IRS4: variants seen among roughly 807,000 people sequenced by gnomAD.
IRS4 encodes the protein 160 kDa phosphotyrosine protein.
Under a neutral mutation model 48.6 loss-of-function variants are expected in IRS4, and 15 were observed. That is an observed-to-expected ratio of 0.31 (90% CI 0.21 to 0.48). IRS4 has a LOEUF of 0.48. Among genes scored for constraint, IRS4 ranks in the 20% least tolerant of loss-of-function variants. The probability of loss-of-function intolerance (pLI) is 0.99; values close to 1 mark genes in which losing one functional copy is unlikely to be tolerated. For missense variants in IRS4, 987 were observed against 1,023.4 expected (o/e 0.96, Z 0.49); for synonymous variants, 459 against 413.2 (o/e 1.11, Z -1.34).
rs769725218 is a variant in IRS4, at chrX:108,734,822, T to C, written c.1523A>G (p.Asn508Ser). 2.8e-5 allele frequency: 34 copies of C among 1,209,069 alleles called. No individual in the cohort carries two copies. The Middle Eastern group carries it at 6.9e-4, about 24-fold the overall frequency. ...GCTATGGCTACTGGAGCCTTGGCCA[T>C]TTGAGCCCTGGCCACCTCCTGAGCC... ...GRGSGGGQGSNGQGSSSHSSG... is the reference protein window; with the variant it reads ...GRGSGGGQGSSGQGSSSHSSG... Residue 508 changes from asparagine (N) to serine (S), a missense_variant, in exon 1 of 2, where the codon AAT becomes AGT. By Grantham distance (46) the Asn-to-Ser change is conservative (BLOSUM62 1). Around this residue, in one of 4 missense-constraint regions of IRS4, gnomAD observed 720 missense variants for 660.3 expected, o/e 1.09. Transcript: ENST00000372129.
chrX:108,735,421 C>G lies in IRS4; in HGVS notation c.924G>C (p.Trp308Cys), dbSNP rs1346528939. The change falls in exon 1 of 2, where the codon TGG (tryptophan) becomes TGC (cysteine). Residue 308 changes from tryptophan to cysteine, a missense_variant. This residue lies in a region of IRS4 where 74 missense variants were observed against 100.4 expected (regional missense o/e 0.74). Coordinates refer to ENST00000372129, the MANE Select transcript of IRS4 (RefSeq NM_001379150.1). ...CAACCACACAGTCATCGACCTGCAT[C>G]CAGAGCTCTCCCGGACCGATGACAG... ...RSTVIGPGEL[W>C]MQVDDCVVAQ... 1 of 1,211,252 alleles carries G rather than the reference C, an allele frequency of 8.3e-7. No homozygotes were observed.
chrX:108,732,038 T>C (rs184250372), intron 1 of IRS4, among the ~76,000 whole-genome samples: 168 of 112,574 alleles, frequency 1.5e-3, no homozygotes, highest in Non-Finnish European at 2.7e-3. Flanking sequence ...TTTAACTTTC[T>C]TGGTAAATCA....
intron 1 of IRS4, 171 bp downstream of exon 1, chrX:108,732,408 A>T: frequency 3.4e-6 from 3 of 870,322 alleles, no homozygotes; most frequent in Non-Finnish European, 4.7e-6. Flanking sequence ...ATAAAAACAA[A>T]TTTTTGCAAA....
Position 108,734,352 on chromosome X carries a change from T to C in IRS4, c.1993A>G (p.Lys665Glu). 1 of 1,211,303 alleles carries C rather than the reference T, an allele frequency of 8.3e-7. No individual in the cohort carries two copies. Among genetic ancestry groups the C allele is most frequent in the Non-Finnish European group, 1.1e-6 (1 of 895,429 alleles). The change falls in exon 1 of 2, where the codon AAA (lysine) becomes GAA (glutamate). Residue 665 changes from lysine (K) to glutamate (E), a missense_variant. Transcript: ENST00000372129. The stretch of plus-strand genomic sequence containing the variant: ...ACTTCTTTGGCTTCTTTGCATTCTT[T>C]CGTGGCTCCTCTGTCAACACAAAAA... ...LYFCVDRGAT[K>E]ECKEAKEVKD...
intron 1 of IRS4, among the ~76,000 whole-genome samples, chrX:108,725,173 T>C (rs1962093055): frequency 9.0e-6 from 1 of 111,403 alleles, no homozygotes; most frequent in African/African-American, 3.3e-5. Flanking sequence ...CCTCTTTATA[T>C]GAATCATAAA....
At chrX:108,729,041 C>T in intron 1 of IRS4, among the ~76,000 whole-genome samples, 1 of 111,562 alleles carries the variant, frequency 9.0e-6, no homozygotes, top group East Asian at 2.8e-4. Context: ...GGACAAATAC[C>T]TCATTAGTCC....
Position 108,734,229 on chromosome X carries a change from CT to C in IRS4, c.2115del (p.Val707TrpfsTer6). 2 of 1,211,500 alleles carry C rather than the reference CT, an allele frequency of 1.7e-6. No homozygotes were observed. Among genetic ancestry groups the C allele is most frequent in the Non-Finnish European group, 2.2e-6 (2 of 895,429 alleles). On this transcript the variant is annotated frameshift_variant, in exon 1 of 2. Coordinates refer to ENST00000372129, the MANE Select transcript of IRS4 (RefSeq NM_001379150.1). LOFTEE classifies it high-confidence loss of function. ...GAGCTTACAAGAGGGGTGGCCACCC[CT>C]GGCCTCATTGGCACGTATGGGTCAT... is the stretch of plus-strand genomic sequence containing the variant. ...DEDDPYVPMR[P>X]GVATPLVSSS...
rs1354883159 is a variant in IRS4 at position 108,720,891 on chromosome X, A to T, written c.*1628T>A. Reference sequence around the variant, plus strand: ...CATCCCTTTGGTTGGTAGGCAAGGAAAAATAGAAGTCAACTCGGTTCTTTG... The same window carrying T: ...CATCCCTTTGGTTGGTAGGCAAGGATAAATAGAAGTCAACTCGGTTCTTTG... On this transcript the variant is annotated 3_prime_UTR_variant, in exon 2 of 2. Transcript: ENST00000372129. 1 of 112,221 alleles carries T rather than the reference A, an allele frequency of 8.9e-6. No individual in the cohort carries two copies. The highest frequency in any genetic ancestry group is 2.8e-4 in the East Asian group (1 of 3,594). 9.2% of individuals were successfully genotyped at this position (112,221 alleles called of 1,213,427 possible).
rs746790280 is a variant in IRS4 at position 108,736,235 on chromosome X, G to A, written c.110C>T (p.Ser37Leu). The A allele has an allele frequency of 5.8e-6, 7 of 1,208,931 alleles. No individual in the cohort carries two copies. Among genetic ancestry groups the A allele is most frequent in the East Asian group, 5.9e-5 (2 of 33,700 alleles). ...CCCAATGAGTGCGGTCGGGGTTCCC[G>A]AGGAAAGAAGCGGGGTGGTCACCAC... ...AAVVTTPLLS[S>L]GTPTALIGTG... The change falls in exon 1 of 2, where the codon TCG (serine) becomes TTG (leucine). Residue 37 changes from serine to leucine, a missense_variant. By Grantham distance (145) the Ser-to-Leu change is moderately radical. Coordinates refer to ENST00000372129, the MANE Select transcript of IRS4 (RefSeq NM_001379150.1).
In IRS4 at chrX:108,735,116, C is replaced by T. The variant is rs753188265; in HGVS notation, c.1229G>A (p.Arg410Lys). 1.7e-6 allele frequency: 2 copies of T among 1,211,772 alleles called. No individual in the cohort carries two copies. The highest frequency in any genetic ancestry group is 2.2e-5 in the Admixed American group (1 of 46,082). Residue 410 changes from arginine to lysine, a missense_variant, in exon 1 of 2, where the codon AGG (arginine) becomes AAG (lysine). Transcript: ENST00000372129. ...TCTGGGCAGGTGCAGTCTTCCTCGCCTGGAGTGGGCCACAGGCTCGCTGGG... is the reference window on the plus strand; with the variant it reads ...TCTGGGCAGGTGCAGTCTTCCTCGCTTGGAGTGGGCCACAGGCTCGCTGGG... ...VTPSEPVAHS[R>K]RGRLHLPRGR...
Position 108,734,154 on chromosome X carries a change from G to A in IRS4, c.2191C>T (p.Arg731Cys), listed in dbSNP as rs753275763. The change falls in exon 1 of 2, where the codon CGC (arginine) becomes TGC (cysteine). Residue 731 changes from arginine to cysteine, a missense_variant. Transcript: ENST00000372129. Reference protein sequence around the residue: ...APQNVSASKKRHSRSPFEDSR... With the variant: ...APQNVSASKKCHSRSPFEDSR... ...TCTTCAAAAGGGGATCGAGAGTGGC[G>A]CTTTTTTGAAGCAGAGACATTTTGA... 7 of 1,211,032 alleles carry A rather than the reference G, an allele frequency of 5.8e-6. No individual in the cohort carries two copies. The highest frequency in any genetic ancestry group is 5.3e-5 in the South Asian group (3 of 56,915).
At chrX:108,730,930 G>A in intron 1 of IRS4, among the ~76,000 whole-genome samples, 1 of 111,624 alleles carries the variant, frequency 9.0e-6, no homozygotes, top group East Asian at 2.8e-4. Context: ...ATATTCTACA[G>A]AATAAAGTAG....
At position 108,732,931 on chromosome X, in the gene IRS4, G is replaced by A; in HGVS notation, c.3414C>T (p.Ser1138=). 8.4e-7 allele frequency: 1 copy of A among 1,184,170 alleles called. No individual in the cohort carries two copies. The highest frequency in any genetic ancestry group is 1.8e-5 in the African/African-American group (1 of 56,958). The part of the protein sequence containing the change: ...LALSQVVAAA[S]ALAAAPGIGA... ...CGATGCCCGGGGCTGCGGCGAGCGC[G>A]GAGGCCGCAGCTACAACTTGGCTGA... is the stretch of plus-strand genomic sequence containing the variant. Residue 1138 remains serine, a synonymous_variant, in exon 1 of 2, where the codon TCC becomes TCT. Coordinates refer to ENST00000372129, the MANE Select transcript of IRS4 (RefSeq NM_001379150.1).
In IRS4 at chrX:108,733,592, G is replaced by C. The variant is rs751607647; in HGVS notation, c.2753C>G (p.Ser918Cys). ...PTHEQREADS[S>C]SDYVNMDFTK... ...GAAGTCCATGTTGACGTAGTCACTA[G>C]AGCTGTCAGCTTCTCTCTGCTCATG... The change falls in exon 1 of 2, where the codon TCT becomes TGT. Residue 918 changes from serine (S) to cysteine (C), a missense_variant. Ser to Cys is a moderately radical substitution (Grantham distance 112). Coordinates refer to ENST00000372129, the MANE Select transcript of IRS4 (RefSeq NM_001379150.1). 1.6e-5 allele frequency: 19 copies of C among 1,210,484 alleles called. No homozygotes were observed.
intron 1 of IRS4, among the ~76,000 whole-genome samples, chrX:108,727,623 T>A (rs1481133207): frequency 8.9e-6 from 1 of 112,071 alleles, no homozygotes; most frequent in African/African-American, 3.2e-5. Flanking sequence ...TATCTAAGAG[T>A]CTGGCAGCAC....
At position 108,735,818 on chromosome X, in the gene IRS4, T is replaced by C; in HGVS notation, c.527A>G (p.Tyr176Cys). The C allele has an allele frequency of 8.3e-7, 1 of 1,208,925 alleles. No homozygotes were observed. Among genetic ancestry groups the C allele is most frequent in the Non-Finnish European group, 1.1e-6 (1 of 894,500 alleles). ...HLIALFTQDE[Y>C]FAMVAENESE... Reference sequence around the variant, plus strand: ...CTCGTTCTCGGCCACCATCGCGAAGTATTCGTCTTGGGTGAAAAGAGCAAT... The same window carrying C: ...CTCGTTCTCGGCCACCATCGCGAAGCATTCGTCTTGGGTGAAAAGAGCAAT... The change falls in exon 1 of 2, where the codon TAC becomes TGC. Residue 176 changes from tyrosine (Y) to cysteine (C), a missense_variant. Around this residue, in one of 4 missense-constraint regions of IRS4, gnomAD observed 173 missense variants for 208.9 expected, o/e 0.83. Transcript: ENST00000372129.
In IRS4 at chrX:108,721,406, T is replaced by G. The variant is rs1253064168; in HGVS notation, c.*1113A>C. 1 of 111,582 alleles carries G rather than the reference T, an allele frequency of 9.0e-6. No homozygotes were observed. The highest frequency in any genetic ancestry group is 1.9e-5 in the Non-Finnish European group (1 of 53,051). The allele number at this position is 111,582 out of a possible 1,213,427, so 9.2% of individuals were successfully genotyped here. A position where few individuals can be genotyped will look rare whatever the true frequency, so the allele number is the denominator to read the frequency against. On this transcript the variant is annotated 3_prime_UTR_variant, in exon 2 of 2. Transcript: ENST00000372129. Reference sequence around the variant, plus strand: ...GGGGGGGAGCTTGCTCTGATTTTTTTTTTTAATTTGGTACATCTTATATTG... The same window carrying G: ...GGGGGGGAGCTTGCTCTGATTTTTTGTTTTAATTTGGTACATCTTATATTG...
chrX:108,736,282 C>CT lies in IRS4; in HGVS notation c.62_63insA (p.Ala22GlyfsTer83). The stretch of plus-strand genomic sequence containing the variant: ...CCACTGCTGCTAGAGCTGCCGCTGC[C>CT]GCCGCTGCTGCACCTCTTAGTCTTC... On this transcript the variant is annotated frameshift_variant, in exon 1 of 2. Transcript: ENST00000372129. LOFTEE classifies it high-confidence loss of function. 2.5e-6 allele frequency: 3 copies of CT among 1,208,023 alleles called. No homozygotes were observed. The highest frequency in any genetic ancestry group is 3.5e-5 in the South Asian group (2 of 56,705).
At chrX:108,727,229 AAATT>A (rs1323143361) in intron 1 of IRS4, among the ~76,000 whole-genome samples, 1 of 112,401 alleles carries the variant, frequency 8.9e-6, no homozygotes, top group African/African-American at 3.2e-5. Flanking sequence ...ATTCTAAAAG[AAATT>A]AATTATTCAG....
Sources: gnomAD v4.1 joint callset for allele counts (sites outside exome capture counted in the v4.1 genomes callset) on GRCh38, gnomAD v4.1.1 for gene constraint, gnomAD v4.1.1 regional missense constraint, MANE v1.5 for transcripts, NCBI Gene and HGNC (gene_info 2026-07-23, HGNC 2026-07-21) for gene names.